LRRIQ3: variants seen among roughly 807,000 people sequenced by gnomAD.
LRRIQ3 encodes leucine rich repeats and IQ motif containing 3, also known as leucine-rich repeat and IQ domain-containing protein 3.
A neutral mutation model predicts 59.3 loss-of-function variants in LRRIQ3; 75 were observed. The ratio of observed to expected loss-of-function variants is 1.26; its 90% CI spans 1.05 to 1.53. LRRIQ3 has a LOEUF of 1.53. Among genes scored for constraint, LRRIQ3 ranks in the 40% most tolerant of loss-of-function variants. The pLI is 0.00. For missense variants in LRRIQ3, 831 were observed against 710.0 expected, an observed-to-expected ratio of 1.17 and a Z score of -1.94; for synonymous variants, 250 against 231.3, an observed-to-expected ratio of 1.08 and a Z score of -0.73.
intron 4 of LRRIQ3, among the ~76,000 whole-genome samples, chr1:74,153,318 T>C (rs975591811): frequency 6.6e-6 from 1 of 152,182 alleles, no homozygotes; most frequent in Non-Finnish European, 1.5e-5. Flanking sequence ...TTTGGCCATA[T>C]ATATTTCAAG....
intron 4 of LRRIQ3, among the ~76,000 whole-genome samples, chr1:74,149,081 T>A (rs1647758452): frequency 6.6e-6 from 1 of 152,220 alleles, no homozygotes; most frequent in South Asian, 2.1e-4. Context: ...TCATTGGATC[T>A]AATTTTCTAA....
At position 74,075,235 on chromosome 1, in the gene LRRIQ3, G is replaced by A. The variant is rs557013363; in HGVS notation, c.868-445C>T. ...AAGGAGGGACAATAACAGGAAGAAA[G>A]GAAGGGAGAAACGGGACCAGAATTA... On this transcript the variant is annotated intron_variant, in intron 5 of 7. Coordinates refer to ENST00000354431, the MANE Select transcript of LRRIQ3 (RefSeq NM_001105659.2). 3.3e-5 allele frequency among the ~76,000 whole-genome samples: 5 copies of A among 152,186 alleles called. No individual in the cohort carries two copies. The South Asian group carries it at 8.3e-4, about 25-fold the overall frequency.
chr1:74,026,883 T>G lies in LRRIQ3; in HGVS notation c.1805A>C (p.Asp602Ala). The change falls in exon 8 of 8, where the codon GAT (aspartate) becomes GCT (alanine). Residue 602 changes from aspartate (D) to alanine (A), a missense_variant. Coordinates refer to ENST00000354431, the MANE Select transcript of LRRIQ3 (RefSeq NM_001105659.2). ...AFEKACERLQ[D>A]AKTKVAIVKT... ...CACAATTGCTACTTTTGTTTTAGCA[T>G]CTTGAAGTCTTTCACAGGCTTTTTC... is the stretch of plus-strand genomic sequence containing the variant. The G allele has an allele frequency of 6.2e-7, 1 of 1,607,962 alleles. No individual in the cohort carries two copies. Among genetic ancestry groups the G allele is most frequent in the Non-Finnish European group, 8.5e-7 (1 of 1,176,692 alleles).
chr1:74,072,417 A>G (rs1164554164), intron 6 of LRRIQ3, among the ~76,000 whole-genome samples: 1 of 152,076 alleles, frequency 6.6e-6, no homozygotes, highest in Non-Finnish European at 1.5e-5. Flanking sequence ...CTTATCAACT[A>G]ATTTAAGGAC....
At chr1:74,043,860 T>C (rs1362817196) in intron 6 of LRRIQ3, among the ~76,000 whole-genome samples, 3 of 152,094 alleles carry the variant, frequency 2.0e-5, no homozygotes, top group Non-Finnish European at 4.4e-5. Context: ...AAGAGCGACA[T>C]ATTTTTCCCC....
At chr1:74,071,366 A>G (rs1655024500) in intron 6 of LRRIQ3, among the ~76,000 whole-genome samples, 1 of 152,098 alleles carries the variant, frequency 6.6e-6, no homozygotes, top group South Asian at 2.1e-4. Context: ...CAGAGTCTGT[A>G]AGGTGTGTTC....
intron 5 of LRRIQ3, among the ~76,000 whole-genome samples, chr1:74,100,182 T>A (rs1337679327): frequency 6.6e-6 from 1 of 152,168 alleles, no homozygotes; most frequent in Non-Finnish European, 1.5e-5. Context: ...CCAAATCTCC[T>A]TAAGCTGATA....
intron 3 of LRRIQ3, among the ~76,000 whole-genome samples, chr1:74,171,610 G>GTGT (rs1455948752): frequency 1.3e-5 from 2 of 152,038 alleles, no homozygotes; most frequent in Non-Finnish European, 2.9e-5. Flanking sequence ...TAGTTTTCTT[G>GTGT]TGTTGTTTTT....
intron 5 of LRRIQ3, among the ~76,000 whole-genome samples, chr1:74,090,485 C>T (rs115352778): frequency 1.1e-4 from 16 of 151,770 alleles, no homozygotes; most frequent in Admixed American, 1.1e-3. Flanking sequence ...GAAGACTGTA[C>T]CAGAAATACT....
At chr1:74,110,639 CCATT>C (rs1423695470) in intron 4 of LRRIQ3, among the ~76,000 whole-genome samples, 4 of 151,880 alleles carry the variant, frequency 2.6e-5, no homozygotes, top group African/African-American at 9.7e-5. Context: ...ACCATTATTA[CCATT>C]ATTATTCAAT....
intron 7 of LRRIQ3, among the ~76,000 whole-genome samples, chr1:74,040,143 T>C (rs1198381727): frequency 6.6e-6 from 1 of 152,192 alleles, no homozygotes; most frequent in Non-Finnish European, 1.5e-5. Flanking sequence ...GTTGCAATCC[T>C]AGTCTCTGAC....
intron 4 of LRRIQ3, among the ~76,000 whole-genome samples, chr1:74,147,692 C>A (rs931757823): frequency 6.6e-6 from 1 of 152,110 alleles, no homozygotes; most frequent in African/African-American, 2.4e-5. Flanking sequence ...TGACTTGAGG[C>A]CTTTCTCTTG....
chr1:74,043,131 T>C (rs969202459), intron 6 of LRRIQ3, among the ~76,000 whole-genome samples: 6 of 152,132 alleles, frequency 3.9e-5, no homozygotes, highest in African/African-American at 9.6e-5. Context: ...GCATATTTAC[T>C]TTTTGACAAA....
At chr1:74,070,192 G>C (rs1475437093) in intron 6 of LRRIQ3, among the ~76,000 whole-genome samples, 2 of 152,036 alleles carry the variant, frequency 1.3e-5, no homozygotes, top group Non-Finnish European at 2.9e-5. Context: ...GTTCATTGCA[G>C]CACTATTCTC....
intron 6 of LRRIQ3, among the ~76,000 whole-genome samples, chr1:74,054,367 A>G (rs1384427666): frequency 6.6e-6 from 1 of 152,194 alleles, no homozygotes; most frequent in Admixed American, 6.6e-5. Flanking sequence ...AGTGGTAGCC[A>G]GGGATAAGGT....
At chr1:74,134,916 G>A (rs1189168459) in intron 4 of LRRIQ3, among the ~76,000 whole-genome samples, 1 of 151,920 alleles carries the variant, frequency 6.6e-6, no homozygotes, top group African/African-American at 2.4e-5. Flanking sequence ...AATTTTAAAT[G>A]AGAATGGATT....
In LRRIQ3 at chr1:74,162,458, C is replaced by G. The variant is rs150772284; in HGVS notation, c.574-6592G>C. On this transcript the variant is annotated intron_variant, in intron 3 of 7. Transcript: ENST00000354431. ...GTAGAATAATAGAAATTCTATACTA[C>G]GTGCCTGAAATGAAACGGGCTATTA... Among the ~76,000 whole-genome samples, 695 of 151,794 alleles carry G rather than the reference C, an allele frequency of 4.6e-3. 7 individuals carry two copies. Among genetic ancestry groups the G allele is most frequent in the African/African-American group, 0.016 (673 of 41,492 alleles).
chr1:74,045,441 G>C (rs113550982), intron 6 of LRRIQ3, among the ~76,000 whole-genome samples: 2,348 of 152,188 alleles, frequency 0.015, 46 homozygotes, highest in African/African-American at 0.053. Flanking sequence ...CAATATACTA[G>C]GCATTGATGG....
intron 6 of LRRIQ3, among the ~76,000 whole-genome samples, chr1:74,058,997 A>C (rs1654621064): frequency 6.6e-6 from 1 of 152,026 alleles, no homozygotes; most frequent in South Asian, 2.1e-4. Flanking sequence ...TATTATAGCC[A>C]TCTGAATGGG....
Sources: gnomAD v4.1 joint callset for allele counts (sites outside exome capture counted in the v4.1 genomes callset) on GRCh38, gnomAD v4.1.1 for gene constraint, MANE v1.5 for transcripts, NCBI Gene and HGNC (gene_info 2026-07-23, HGNC 2026-07-21) for gene names.